The following BMP6 variants were observed in gnomAD, a reference collection of about 807,000 sequenced individuals.
The protein encoded by BMP6 is VG-1-R.
BMP6 carries 17 observed loss-of-function variants against 54.1 expected under a neutral mutation model. That is an observed-to-expected ratio of 0.31 (90% CI 0.22 to 0.47). BMP6 has a LOEUF of 0.47. Among genes scored for constraint, BMP6 ranks in the 20% least tolerant of loss-of-function variants. The pLI is 1.00. For missense variants in BMP6, 720 were observed against 690.4 expected (o/e 1.04, Z -0.48); for synonymous variants, 328 against 291.2 (o/e 1.13, Z -1.28).
chr6:7,745,466 C>T (rs1757332499), intron 1 of BMP6, among the ~76,000 whole-genome samples: 1 of 152,170 alleles, frequency 6.6e-6, no homozygotes, highest in African/African-American at 2.4e-5. Flanking sequence ...CATGGGGTCT[C>T]ACTATGTTGC....
chr6:7,727,821 G>A (rs182255593), intron 1 of BMP6, among the ~76,000 whole-genome samples: 1,946 of 151,446 alleles, frequency 0.013, 95 homozygotes, highest in Admixed American at 0.073. Flanking sequence ...CCGCGGGCAG[G>A]GCTGCGCGCC....
rs763704272 is a variant in BMP6 at position 7,727,439 on chromosome 6, C to T, written c.484C>T (p.Pro162Ser). 6 of 1,603,506 alleles carry T rather than the reference C, an allele frequency of 3.7e-6. No individual in the cohort carries two copies. The African/African-American group carries it at 4.0e-5, about 11-fold the overall frequency. ...ASEGERQQSW[P>S]HEAASSSQRR... ...GGAGGGGGAGAGGCAGCAGTCCTGGCCCCACGAAGCAGCCAGCTCGTCCCA... is the reference window on the plus strand; with the variant it reads ...GGAGGGGGAGAGGCAGCAGTCCTGGTCCCACGAAGCAGCCAGCTCGTCCCA... The change falls in exon 1 of 7, where the codon CCC becomes TCC. Residue 162 changes from proline to serine, a missense_variant. Around this residue, in one of 3 missense-constraint regions of BMP6, gnomAD observed 650 missense variants for 556.3 expected, o/e 1.17. Transcript: ENST00000283147.
intron 2 of BMP6, among the ~76,000 whole-genome samples, chr6:7,849,532 G>A (rs1759112644): frequency 6.6e-6 from 1 of 152,142 alleles, no homozygotes; most frequent in South Asian, 2.1e-4. Context: ...ATGAGTACAT[G>A]CTTTTCACAA....
At chr6:7,784,393 C>T (rs1384372291) in intron 1 of BMP6, among the ~76,000 whole-genome samples, 2 of 151,872 alleles carry the variant, frequency 1.3e-5, no homozygotes, top group Non-Finnish European at 2.9e-5. Flanking sequence ...TTTCATGGTG[C>T]TCGATGGGTC....
In BMP6 at chr6:7,826,009, C is replaced by T. The variant is rs373782742; in HGVS notation, c.665-19131C>T. Among the ~76,000 whole-genome samples, 8 of 152,208 alleles carry T rather than the reference C, an allele frequency of 5.3e-5. No homozygotes were observed. In the South Asian group the frequency reaches 1.4e-3, roughly 28 times the overall value. ...TTTCCTTTTCCTACCTTGGCCCTGC[C>T]TGATCACACACACCAGCTCTGCAGC... On this transcript the variant is annotated intron_variant, in intron 1 of 6. Coordinates refer to ENST00000283147, the MANE Select transcript of BMP6 (RefSeq NM_001718.6).
intron 1 of BMP6, among the ~76,000 whole-genome samples, chr6:7,779,656 A>G (rs1212243756): frequency 6.6e-6 from 1 of 152,206 alleles, no homozygotes; most frequent in Non-Finnish European, 1.5e-5. Flanking sequence ...GCACTTATTA[A>G]GAATGATAAT....
Position 7,862,442 on chromosome 6 carries a change from A to T in BMP6, c.1148A>T (p.Gln383Leu). The change falls in exon 4 of 7, where the codon CAG becomes CTG. Residue 383 changes from glutamine to leucine, a missense_variant. By Grantham distance (113) the Gln-to-Leu change is moderately radical (BLOSUM62 -2). This residue lies in a region of BMP6 where 650 missense variants were observed against 556.3 expected (regional missense o/e 1.17). Coordinates refer to ENST00000283147, the MANE Select transcript of BMP6 (RefSeq NM_001718.6). ...TRSASSRRRQQSRNRSTQSQD... is the reference protein window; with the variant it reads ...TRSASSRRRQLSRNRSTQSQD... Reference sequence around the variant, plus strand: ...TCAGCCTCCAGCCGGCGCCGACAACAGAGTCGTAATCGCTCTACCCAGTCC... The same window carrying T: ...TCAGCCTCCAGCCGGCGCCGACAACTGAGTCGTAATCGCTCTACCCAGTCC... The T allele has an allele frequency of 6.2e-7, 1 of 1,614,204 alleles. No individual in the cohort carries two copies. The highest frequency in any genetic ancestry group is 2.2e-5 in the East Asian group (1 of 44,886).
chr6:7,871,972 A>G (rs1759532908), intron 4 of BMP6, among the ~76,000 whole-genome samples: 1 of 143,406 alleles, frequency 7.0e-6, no homozygotes, highest in Non-Finnish European at 1.5e-5. Flanking sequence ...GCCACCTACA[A>G]GTCACACACT....
chr6:7,814,508 A>G (rs1001566), intron 1 of BMP6, among the ~76,000 whole-genome samples: 56,087 of 151,950 alleles, frequency 0.37, 11,389 homozygotes, highest in East Asian at 0.73. Context: ...CTTCTTTCAC[A>G]TACAGTGTAC....
chr6:7,850,985 T>G (rs1759134028), intron 2 of BMP6, among the ~76,000 whole-genome samples: 15 of 152,244 alleles, frequency 9.9e-5, no homozygotes, highest in Admixed American at 9.8e-4. Context: ...GGGTTAATTT[T>G]TCTCTTCTTG....
intron 1 of BMP6, among the ~76,000 whole-genome samples, chr6:7,742,321 T>A (rs970017187): frequency 7.9e-5 from 12 of 152,218 alleles, no homozygotes; most frequent in Non-Finnish European, 1.8e-4. Flanking sequence ...CAATTTAAAT[T>A]TCCTGGTTGT....
chr6:7,775,089 G>A (rs536928513), intron 1 of BMP6, among the ~76,000 whole-genome samples: 114 of 152,246 alleles, frequency 7.5e-4, no homozygotes, highest in African/African-American at 2.6e-3. Flanking sequence ...CAGATCCCTC[G>A]TGACCTAATC....
chr6:7,877,864 G>A (rs1043073383), intron 4 of BMP6, among the ~76,000 whole-genome samples: 1 of 152,108 alleles, frequency 6.6e-6, no homozygotes, highest in African/African-American at 2.4e-5. Flanking sequence ...TTCTCTCTCC[G>A]TCGTTTCTCG....
chr6:7,731,959 A>G (rs1761867097), intron 1 of BMP6, among the ~76,000 whole-genome samples: 1 of 152,222 alleles, frequency 6.6e-6, no homozygotes, highest in South Asian at 2.1e-4. Context: ...TTGTGTTCAG[A>G]AAAGGGAATC....
At chr6:7,796,464 G>A (rs1302316822) in intron 1 of BMP6, among the ~76,000 whole-genome samples, 1 of 152,226 alleles carries the variant, frequency 6.6e-6, no homozygotes, top group African/African-American at 2.4e-5. Flanking sequence ...CATTAAGCAT[G>A]CTAAATAGCA....
At chr6:7,842,502 C>T (rs147627004) in intron 1 of BMP6, among the ~76,000 whole-genome samples, 121 of 152,260 alleles carry the variant, frequency 7.9e-4, no homozygotes, top group African/African-American at 2.8e-3. Flanking sequence ...TCTTAGATGA[C>T]AGCTGTCTTT....
In BMP6 at chr6:7,727,163, C is replaced by T. The variant is rs1426809939; in HGVS notation, c.208C>T (p.Arg70Trp). ...PQSSSGFLYRRLKTQEKREMQ... is the reference protein window; with the variant it reads ...PQSSSGFLYRWLKTQEKREMQ... ...GTCCTCCTCGGGCTTCCTGTACCGG[C>T]GGCTCAAGACGCAGGAGAAGCGGGA... The change falls in exon 1 of 7, where the codon CGG becomes TGG. Residue 70 changes from arginine (R) to tryptophan (W), a missense_variant. Physicochemically the swap from Arg to Trp is moderately radical, Grantham distance 101 (BLOSUM62 -3). Transcript: ENST00000283147. 3 of 1,589,730 alleles carry T rather than the reference C, an allele frequency of 1.9e-6. No individual in the cohort carries two copies. Among genetic ancestry groups the T allele is most frequent in the African/African-American group, 2.7e-5 (2 of 73,792 alleles).
intron 1 of BMP6, among the ~76,000 whole-genome samples, chr6:7,797,763 A>G (rs79087891): frequency 0.084 from 12,750 of 152,224 alleles, 640 homozygotes; most frequent in African/African-American, 0.14. Context: ...AATAACAGCA[A>G]CAAAAAGAAG....
chr6:7,808,051 G>A (rs1195985192), intron 1 of BMP6, among the ~76,000 whole-genome samples: 1 of 151,262 alleles, frequency 6.6e-6, no homozygotes, highest in East Asian at 2.0e-4. Context: ...CTCCCAAGTA[G>A]CTGGGACTAC....
Sources: allele counts gnomAD v4.1 joint callset (sites outside exome capture counted in the v4.1 genomes callset), GRCh38; gene constraint gnomAD v4.1.1; regional missense constraint gnomAD v4.1.1; transcripts MANE v1.5; gene names NCBI Gene and HGNC (gene_info 2026-07-23, HGNC 2026-07-21).